Variants in AFAP1L2 observed in about 807,000 individuals in gnomAD.
AFAP1L2 encodes actin filament-associated protein 1-like 2.
In AFAP1L2, 46 loss-of-function variants were observed where a neutral mutation model predicts 99.3. The ratio of observed to expected loss-of-function variants is 0.46; its 90% CI spans 0.37 to 0.59. AFAP1L2 has a LOEUF of 0.59. AFAP1L2 is among the 20% of genes least tolerant of loss of function. The probability of loss-of-function intolerance (pLI) is 0.00; values close to 1 mark genes in which losing one functional copy is unlikely to be tolerated. For synonymous variants in AFAP1L2, 397 were observed against 419.1 expected, an observed-to-expected ratio of 0.95 and a Z score of 0.64; for missense variants, 959 against 1,034.9, an observed-to-expected ratio of 0.93 and a Z score of 1.01.
rs1286247762 is a variant in AFAP1L2, at chr10:114,395,558, C to CA, written c.16+8881dup. 8.5e-5 allele frequency among the ~76,000 whole-genome samples: 13 copies of CA among 152,204 alleles called. No homozygotes were observed. The South Asian group carries it at 2.7e-3, about 32-fold the overall frequency. ...TTCAACAATCTTTTTTTTCTCCCCC[C>CA]ATCTGGGGACTTGAATACAGTGAAC... is the stretch of plus-strand genomic sequence containing the variant. On this transcript the variant is annotated intron_variant, in intron 1 of 18. Coordinates refer to ENST00000304129, the MANE Select transcript of AFAP1L2 (RefSeq NM_001001936.3).
chr10:114,304,598 A>G, intron 11 of AFAP1L2, 121 bp downstream of exon 11: 2 of 1,055,594 alleles, frequency 1.9e-6, no homozygotes, highest in Non-Finnish European at 2.6e-6. Context: ...CAAACGAAGT[A>G]AAAATAACAC....
At chr10:114,368,444 G>A (rs749314486) in intron 1 of AFAP1L2, among the ~76,000 whole-genome samples, 1 of 152,144 alleles carries the variant, frequency 6.6e-6, no homozygotes, top group Non-Finnish European at 1.5e-5. Context: ...GTTTGAGACA[G>A]GGTCTCGTAC....
In AFAP1L2 at chr10:114,304,844, T is replaced by G. The variant is rs1190569543; in HGVS notation, c.1159A>C (p.Asn387His). 6.2e-7 allele frequency: 1 copy of G among 1,613,348 alleles called. No homozygotes were observed. The highest frequency in any genetic ancestry group is 8.5e-7 in the Non-Finnish European group (1 of 1,180,032). ...DNHLHFYQDR[N>H]RSKVAQQPLS... Reference sequence around the variant, plus strand: ...GGTTGCTGGGCCACCTTGCTCCGGTTCCGGTCCTGGTAGAAGTGCAGGTGA... The same window carrying G: ...GGTTGCTGGGCCACCTTGCTCCGGTGCCGGTCCTGGTAGAAGTGCAGGTGA... The change falls in exon 11 of 19, where the codon AAC becomes CAC. Residue 387 changes from asparagine (N) to histidine (H), a missense_variant. Physicochemically the swap from Asn to His is moderately conservative, Grantham distance 68. Transcript: ENST00000304129.
chr10:114,322,350 C>A (rs2045490958), intron 5 of AFAP1L2, among the ~76,000 whole-genome samples: 1 of 152,190 alleles, frequency 6.6e-6, no homozygotes, highest in South Asian at 2.1e-4. Context: ...CTGTGGCTGG[C>A]AGCCCCATCT....
rs375188359 is a variant in AFAP1L2, at chr10:114,310,337, G to C, written c.882+17C>G. ...ACATGGAAGGGGACTCTCCCTCCAG[G>C]CAGGGCAGAGGCTTACTTTCTGGCA... On this transcript the variant is annotated intron_variant, in intron 8 of 18. Transcript: ENST00000304129. 7.5e-6 allele frequency: 12 copies of C among 1,599,390 alleles called. No individual in the cohort carries two copies. Among genetic ancestry groups the C allele is most frequent in the Non-Finnish European group, 1.0e-5 (12 of 1,175,070 alleles).
the AFAP1L2 span, chr10:114,286,044 G>C: frequency 1.2e-6 from 2 of 1,614,064 alleles, no homozygotes; most frequent in African/African-American, 1.3e-5. Context: ...TTCGTGAAGC[G>C]GTTTGTGCGG....
chr10:114,387,673 C>T lies in AFAP1L2; in HGVS notation c.16+16767G>A, dbSNP rs1266883997. Among the ~76,000 whole-genome samples, 4 of 152,228 alleles carry T rather than the reference C, an allele frequency of 2.6e-5. No individual in the cohort carries two copies. In the East Asian group the frequency reaches 5.8e-4, roughly 22 times the overall value. On this transcript the variant is annotated intron_variant, in intron 1 of 18. Transcript: ENST00000304129. ...GAGGTTCAGAAAGAGTAAGTAATTG[C>T]TCATGGTTGCAATGTCCAAGCCTGA...
In AFAP1L2 at chr10:114,315,673, C is replaced by T. The variant is rs1216193145; in HGVS notation, c.499G>A (p.Glu167Lys). 1 of 1,613,744 alleles carries T rather than the reference C, an allele frequency of 6.2e-7. No individual in the cohort carries two copies. Among genetic ancestry groups the T allele is most frequent in the Non-Finnish European group, 8.5e-7 (1 of 1,179,994 alleles). The stretch of plus-strand genomic sequence containing the variant: ...TCACGCATCAGCTCGATGCCGGCCT[C>T]CGGCGAGGGCCACTGGTAAGGGGCC... ...KSAPYQWPSPEAGIELMRDAR... is the reference protein window; with the variant it reads ...KSAPYQWPSPKAGIELMRDAR... The change falls in exon 6 of 19, where the codon GAG (glutamate) becomes AAG (lysine). Residue 167 changes from glutamate (E) to lysine (K), a missense_variant. Glu to Lys is a moderately conservative substitution (Grantham distance 56). This residue lies in a region of AFAP1L2 where 383 missense variants were observed against 472.8 expected (regional missense o/e 0.81). Coordinates refer to ENST00000304129, the MANE Select transcript of AFAP1L2 (RefSeq NM_001001936.3).
the AFAP1L2 span, chr10:114,280,731 A>C: frequency 6.6e-6 from 1 of 152,126 alleles, no homozygotes; most frequent in Admixed American, 6.6e-5. Flanking sequence ...GCAGTTTGGC[A>C]AACTTTGTTT....
chr10:114,373,557 G>A (rs2054405723), intron 1 of AFAP1L2, among the ~76,000 whole-genome samples: 1 of 152,048 alleles, frequency 6.6e-6, no homozygotes, highest in Non-Finnish European at 1.5e-5. Flanking sequence ...CCCAGGAGGT[G>A]GAGGTTGCAG....
chr10:114,314,604 A>G (rs945476139), intron 6 of AFAP1L2, among the ~76,000 whole-genome samples: 8 of 152,232 alleles, frequency 5.3e-5, no homozygotes, highest in Non-Finnish European at 1.0e-4. Context: ...GCTTAAAAGG[A>G]TTACTTGAAA....
chr10:114,340,790 A>C, intron 1 of AFAP1L2, 59 bp from the exon 2 acceptor site: 3 of 1,611,608 alleles, frequency 1.9e-6, no homozygotes, highest in African/African-American at 1.3e-5. Context: ...AGCCCAGCTC[A>C]GATACACCTC....
At chr10:114,373,178 G>C (rs1048514325) in intron 1 of AFAP1L2, among the ~76,000 whole-genome samples, 2 of 152,172 alleles carry the variant, frequency 1.3e-5, no homozygotes, top group African/African-American at 4.8e-5. Flanking sequence ...AGGAAGTCAA[G>C]GCTACAGTGA....
downstream of AFAP1L2, among the ~76,000 whole-genome samples, chr10:114,294,540 T>C (rs939328015): frequency 6.6e-6 from 1 of 152,226 alleles, no homozygotes; most frequent in Non-Finnish European, 1.5e-5. Flanking sequence ...ATGTTTCTTT[T>C]TTCCCAAGAA....
chr10:114,321,965 C>T (rs2045422334), intron 5 of AFAP1L2, among the ~76,000 whole-genome samples: 1 of 152,192 alleles, frequency 6.6e-6, no homozygotes, highest in African/African-American at 2.4e-5. Flanking sequence ...CCATAATTCT[C>T]ACGTGTCATG....
intron 11 of AFAP1L2, 43 bp from the exon 12 acceptor site, chr10:114,302,527 C>A (rs1441941747): frequency 5.6e-6 from 9 of 1,610,768 alleles, no homozygotes; most frequent in Admixed American, 1.7e-5. Flanking sequence ...CCAGGCAGTG[C>A]TGCCTGGTGC....
Position 114,300,204 on chromosome 10 carries a change from C to T in AFAP1L2, c.1947G>A (p.Val649=). ...CCCAAGCACAAGTACCTGCACTGGT[C>T]ACGCGCAACCTGTCCTTCACAGGTG... The part of the protein sequence containing the change: ...ASPPVKDRLR[V]TSAEIKLGKN... The change falls in exon 15 of 19, where the codon GTG becomes GTA. Residue 649 remains valine (V), a synonymous_variant. Transcript: ENST00000304129. The T allele has an allele frequency of 6.2e-7, 1 of 1,614,188 alleles. No homozygotes were observed. Among genetic ancestry groups the T allele is most frequent in the Non-Finnish European group, 8.5e-7 (1 of 1,180,044 alleles).
At chr10:114,286,614 G>T in the AFAP1L2 span, 1 of 1,012,452 alleles carries the variant, frequency 9.9e-7, no homozygotes, top group Non-Finnish European at 1.4e-6. Flanking sequence ...CTCTTCTAGG[G>T]GCTGAAACCA....
chr10:114,280,933 G>A, the AFAP1L2 span: 1 of 152,016 alleles, frequency 6.6e-6, no homozygotes, highest in Non-Finnish European at 1.5e-5. Context: ...TATAGATGGG[G>A]TCTCACTATG....
Sources: allele counts gnomAD v4.1 joint callset (sites outside exome capture counted in the v4.1 genomes callset), GRCh38; gene constraint gnomAD v4.1.1; regional missense constraint gnomAD v4.1.1; transcripts MANE v1.5; gene names NCBI Gene and HGNC (gene_info 2026-07-23, HGNC 2026-07-21).